Variants in KIAA1549L observed in about 807,000 individuals in gnomAD.
KIAA1549L encodes UPF0606 protein KIAA1549L.
In KIAA1549L, 88 loss-of-function variants were observed where a neutral mutation model predicts 160.7. The ratio of observed to expected loss-of-function variants is 0.55; its 90% CI spans 0.46 to 0.65. The LOEUF (loss-of-function observed/expected upper bound fraction) is 0.65, where lower values mean the gene tolerates loss of function less well. Ranked by LOEUF, KIAA1549L falls within the 30% of genes least tolerant of loss-of-function variation. KIAA1549L has a pLI of 0.00. For synonymous variants in KIAA1549L, 950 were observed against 976.7 expected, an observed-to-expected ratio of 0.97 and a Z score of 0.51; for missense variants, 2,258 against 2,437.5, an observed-to-expected ratio of 0.93 and a Z score of 1.55.
chr11:33,395,790 G>A (rs992640473), intron 1 of KIAA1549L, among the ~76,000 whole-genome samples: 1 of 151,956 alleles, frequency 6.6e-6, no homozygotes, highest in Admixed American at 6.6e-5. Context: ...TGTACTTCAA[G>A]TGGATTGTAG....
At chr11:33,618,867 C>T (rs1012925275) in intron 16 of KIAA1549L, among the ~76,000 whole-genome samples, 13 of 152,164 alleles carry the variant, frequency 8.5e-5, no homozygotes, top group South Asian at 2.1e-4. Context: ...AAAAGGATCA[C>T]GATTTCCGAA....
At chr11:33,636,799 G>T (rs997524281) in intron 16 of KIAA1549L, among the ~76,000 whole-genome samples, 2 of 152,162 alleles carry the variant, frequency 1.3e-5, no homozygotes, top group Non-Finnish European at 2.9e-5. Context: ...TACTCTCCAC[G>T]ATTTCAGGCA....
At chr11:33,577,304 T>C (rs1396247337) in intron 10 of KIAA1549L, among the ~76,000 whole-genome samples, 1 of 152,130 alleles carries the variant, frequency 6.6e-6, no homozygotes, top group Admixed American at 6.5e-5. Flanking sequence ...AGAGGAAATC[T>C]TCTGAGGCAG....
At chr11:33,414,410 T>G (rs1016041085) in intron 1 of KIAA1549L, among the ~76,000 whole-genome samples, 4 of 152,348 alleles carry the variant, frequency 2.6e-5, no homozygotes, top group Non-Finnish European at 2.9e-5. Context: ...TTCTTTCTAG[T>G]GATGGATTTA....
At chr11:33,572,075 C>T (rs936227639) in intron 9 of KIAA1549L, among the ~76,000 whole-genome samples, 1 of 150,554 alleles carries the variant, frequency 6.6e-6, no homozygotes, top group Admixed American at 6.6e-5. Context: ...CTCGCTCTGT[C>T]GCCCAGGCTG....
At chr11:33,532,047 G>A (rs1300491864) in intron 1 of KIAA1549L, among the ~76,000 whole-genome samples, 4 of 152,170 alleles carry the variant, frequency 2.6e-5, no homozygotes, top group Non-Finnish European at 4.4e-5. Flanking sequence ...TCCTTCCCAC[G>A]TGGTGCAGAG....
intron 1 of KIAA1549L, among the ~76,000 whole-genome samples, chr11:33,434,973 G>T (rs1224665348): frequency 6.6e-6 from 1 of 152,192 alleles, no homozygotes; most frequent in East Asian, 1.9e-4. Flanking sequence ...GATGATCATT[G>T]ATGAATTGTC....
At chr11:33,472,363 C>T (rs1852198953) in intron 1 of KIAA1549L, among the ~76,000 whole-genome samples, 1 of 150,436 alleles carries the variant, frequency 6.6e-6, no homozygotes, top group Non-Finnish European at 1.5e-5. Flanking sequence ...TCAAGAGATC[C>T]TCCCATTTCG....
In KIAA1549L at chr11:33,387,418, G is replaced by C. The variant is rs549532985; in HGVS notation, c.238+10529G>C. Reference sequence around the variant, plus strand: ...CGTCCCAGGTTCAAGCAATTCTCCTGCCTCAGCCTCCCAAGTAGCTGGGAC... The same window carrying C: ...CGTCCCAGGTTCAAGCAATTCTCCTCCCTCAGCCTCCCAAGTAGCTGGGAC... On this transcript the variant is annotated intron_variant, in intron 1 of 20. Transcript: ENST00000658780. Among the ~76,000 whole-genome samples the C allele has an allele frequency of 4.6e-5, 7 of 152,044 alleles. No homozygotes were observed. In the South Asian group the frequency reaches 1.2e-3, roughly 27 times the overall value.
chr11:33,397,710 T>TCA (rs71034679), intron 1 of KIAA1549L, among the ~76,000 whole-genome samples: 6,465 of 142,872 alleles, frequency 0.045, 159 homozygotes, highest in East Asian at 0.061. Flanking sequence ...AGACTCCATC[T>TCA]CACACACACA....
At chr11:33,515,877 C>A (rs189016767) in intron 1 of KIAA1549L, among the ~76,000 whole-genome samples, 5 of 152,134 alleles carry the variant, frequency 3.3e-5, no homozygotes, top group Admixed American at 1.3e-4. Flanking sequence ...GGTGCTAGAC[C>A]TTTGGCAAGT....
At chr11:33,605,634 CTA>C (rs2133319810) in intron 13 of KIAA1549L, among the ~76,000 whole-genome samples, 1 of 152,264 alleles carries the variant, frequency 6.6e-6, no homozygotes, top group Admixed American at 6.5e-5. Context: ...ATGATACAAA[CTA>C]TGTGTTTCTC....
intron 16 of KIAA1549L, among the ~76,000 whole-genome samples, chr11:33,631,779 A>T (rs1464399582): frequency 2.0e-5 from 3 of 152,182 alleles, no homozygotes; most frequent in African/African-American, 7.2e-5. Flanking sequence ...TCCATTAGTT[A>T]GTTCACTTGT....
intron 17 of KIAA1549L, among the ~76,000 whole-genome samples, chr11:33,649,527 A>C: frequency 7.0e-6 from 1 of 142,224 alleles, no homozygotes; most frequent in African/African-American, 2.6e-5. Context: ...AAAAAAAAAA[A>C]GAAGCAGCAG....
chr11:33,633,426 A>G (rs1001388773), intron 16 of KIAA1549L, among the ~76,000 whole-genome samples: 14 of 152,142 alleles, frequency 9.2e-5, no homozygotes, highest in African/African-American at 3.4e-4. Flanking sequence ...TTAGACACAG[A>G]TAGAGTGACA....
intron 14 of KIAA1549L, among the ~76,000 whole-genome samples, chr11:33,607,819 G>C (rs190223599): frequency 9.5e-4 from 145 of 152,280 alleles, no homozygotes; most frequent in African/African-American, 3.3e-3. Flanking sequence ...AGCAACTCTT[G>C]TTTTCTGGGC....
chr11:33,446,669 T>C (rs996375384), intron 1 of KIAA1549L, among the ~76,000 whole-genome samples: 1 of 147,442 alleles, frequency 6.8e-6, no homozygotes, highest in Non-Finnish European at 1.5e-5. Context: ...TAGAGGATAC[T>C]TTTTTTTTTT....
chr11:33,457,633 C>T (rs1172108470), intron 1 of KIAA1549L, among the ~76,000 whole-genome samples: 1 of 152,202 alleles, frequency 6.6e-6, no homozygotes, highest in African/African-American at 2.4e-5. Flanking sequence ...TACAGGGAAT[C>T]TATGCTCATC....
At position 33,630,640 on chromosome 11, in the gene KIAA1549L, C is replaced by G. The variant is rs546888106; in HGVS notation, c.5409+11978C>G. Among the ~76,000 whole-genome samples the G allele has an allele frequency of 1.1e-4, 17 of 152,358 alleles. No homozygotes were observed. In the South Asian group the frequency reaches 3.5e-3, roughly 32 times the overall value. On this transcript the variant is annotated intron_variant, in intron 16 of 20. Coordinates refer to ENST00000658780, the MANE Select transcript of KIAA1549L (RefSeq NM_012194.3). ...GGCAATGCCTCGCCCTGCTTCGGCTCATGCATGGTGCGTGCACCCAGTGAC... is the reference window on the plus strand; with the variant it reads ...GGCAATGCCTCGCCCTGCTTCGGCTGATGCATGGTGCGTGCACCCAGTGAC...
Sources: gnomAD v4.1 joint callset for allele counts (sites outside exome capture counted in the v4.1 genomes callset) on GRCh38, gnomAD v4.1.1 for gene constraint, MANE v1.5 for transcripts, NCBI Gene and HGNC (gene_info 2026-07-23, HGNC 2026-07-21) for gene names.